The following NKAIN2 variants were observed in gnomAD, a reference collection of about 807,000 sequenced individuals.
NKAIN2 encodes sodium/potassium-transporting ATPase subunit beta-1-interacting protein 2.
A neutral mutation model predicts 32.6 loss-of-function variants in NKAIN2; 14 were observed. The ratio of observed to expected loss-of-function variants is 0.43; its 90% CI spans 0.28 to 0.67. NKAIN2 has a LOEUF of 0.67. Among genes scored for constraint, NKAIN2 ranks in the 30% least tolerant of loss-of-function variants. NKAIN2 has a pLI of 0.17. For synonymous variants in NKAIN2, 80 were observed against 87.2 expected, an observed-to-expected ratio of 0.92 and a Z score of 0.46; for missense variants, 198 against 258.3, an observed-to-expected ratio of 0.77 and a Z score of 1.60.
chr6:124,726,935 T>C (rs1776353453), intron 4 of NKAIN2, among the ~76,000 whole-genome samples: 1 of 131,268 alleles, frequency 7.6e-6, no homozygotes, highest in Non-Finnish European at 1.6e-5. Flanking sequence ...GCTGATGCAA[T>C]CAACTGGAAG....
intron 1 of NKAIN2, 71 bp downstream of exon 1, chr6:123,804,325 G>C (rs1773124385): frequency 7.8e-7 from 1 of 1,283,624 alleles, no homozygotes; most frequent in African/African-American, 1.5e-5. Context: ...TGCAGCAAAG[G>C]GTCTGCCATT....
intron 3 of NKAIN2, among the ~76,000 whole-genome samples, chr6:124,582,294 T>C (rs549550366): frequency 2.0e-5 from 3 of 152,290 alleles, no homozygotes; most frequent in African/African-American, 7.2e-5. Context: ...TGATATTAGT[T>C]GTAATGTGTC....
chr6:124,078,588 T>A (rs999236670), intron 1 of NKAIN2, among the ~76,000 whole-genome samples: 3 of 152,194 alleles, frequency 2.0e-5, no homozygotes, highest in African/African-American at 7.2e-5. Context: ...ATGAACTTAA[T>A]CAAACCTGAG....
intron 1 of NKAIN2, among the ~76,000 whole-genome samples, chr6:124,263,426 T>C (rs1206980389): frequency 6.6e-6 from 1 of 152,170 alleles, no homozygotes; most frequent in East Asian, 1.9e-4. Flanking sequence ...GTATAGACTA[T>C]AAATGATAAC....
intron 1 of NKAIN2, among the ~76,000 whole-genome samples, chr6:123,814,402 A>G (rs1346710323): frequency 1.3e-5 from 2 of 152,226 alleles, no homozygotes; most frequent in South Asian, 2.1e-4. Context: ...CCTGGAATAG[A>G]TTTATTTTTA....
rs1397530633 is a variant in NKAIN2 at position 124,797,678 on chromosome 6, C to A, written c.535+6279C>A. Among the ~76,000 whole-genome samples the A allele has an allele frequency of 2.6e-5, 4 of 152,078 alleles. No individual in the cohort carries two copies. In the East Asian group the frequency reaches 7.7e-4, roughly 29 times the overall value. On this transcript the variant is annotated intron_variant, in intron 5 of 6. Transcript: ENST00000368417. ...TTTTTGTTTGATTTTTCTTCTAAAG[C>A]CTGCTGGCCTACACTTCTGTGTATT...
intron 1 of NKAIN2, chr6:123,828,899 C>A: frequency 6.6e-6 from 1 of 152,136 alleles, no homozygotes; most frequent in Non-Finnish European, 1.5e-5. Context: ...GATCAGGTTC[C>A]CTGTTACAAG....
At chr6:124,013,605 G>T (rs1212348884) in intron 1 of NKAIN2, among the ~76,000 whole-genome samples, 1 of 152,126 alleles carries the variant, frequency 6.6e-6, no homozygotes, top group Non-Finnish European at 1.5e-5. Context: ...ATAGAATACT[G>T]GTCCGCAAAA....
At chr6:124,799,247 T>C (rs1780147657) in intron 5 of NKAIN2, among the ~76,000 whole-genome samples, 1 of 152,212 alleles carries the variant, frequency 6.6e-6, no homozygotes, top group African/African-American at 2.4e-5. Flanking sequence ...TGTAATAATT[T>C]TCACATAATC....
chr6:124,571,019 A>G (rs1364241519), intron 3 of NKAIN2, among the ~76,000 whole-genome samples: 1 of 152,180 alleles, frequency 6.6e-6, no homozygotes, highest in East Asian at 1.9e-4. Flanking sequence ...CCTGGGGTCA[A>G]AGGACATCAT....
rs1420674840 is a variant in NKAIN2 at position 124,711,309 on chromosome 6, T to C, written c.474+52923T>C. Reference sequence around the variant, plus strand: ...TTGATGAATCTGACAATTATGTGTCTTCTCGAGGAGTATCTTTGTGGCGTT... The same window carrying C: ...TTGATGAATCTGACAATTATGTGTCCTCTCGAGGAGTATCTTTGTGGCGTT... On this transcript the variant is annotated intron_variant, in intron 4 of 6. Coordinates refer to ENST00000368417, the MANE Select transcript of NKAIN2 (RefSeq NM_001040214.3). 7.4e-4 allele frequency among the ~76,000 whole-genome samples: 4 copies of C among 5,408 alleles called. 2 individuals carry two copies. The highest frequency in any genetic ancestry group is 8.4e-4 in the African/African-American group (4 of 4,768). The allele number at this position is 5,408 out of a possible 152,430, so 3.5% of individuals were successfully genotyped here.
chr6:124,533,187 A>T (rs1237255751), intron 3 of NKAIN2, among the ~76,000 whole-genome samples: 2 of 152,158 alleles, frequency 1.3e-5, no homozygotes, highest in Non-Finnish European at 2.9e-5. Flanking sequence ...TAAAAGGAAG[A>T]GGCAGGAGCC....
At chr6:124,196,643 A>G (rs1426179361) in intron 1 of NKAIN2, among the ~76,000 whole-genome samples, 12 of 152,058 alleles carry the variant, frequency 7.9e-5, no homozygotes, top group Non-Finnish European at 4.4e-5. Context: ...TCAATTTTTC[A>G]TAATTTTAAA....
chr6:124,132,509 A>T (rs1786529858), intron 1 of NKAIN2, among the ~76,000 whole-genome samples: 1 of 152,212 alleles, frequency 6.6e-6, no homozygotes, highest in Non-Finnish European at 1.5e-5. Context: ...AACTCAGGCC[A>T]TTACAGCAAC....
intron 1 of NKAIN2, among the ~76,000 whole-genome samples, chr6:124,153,207 T>C (rs1158858758): frequency 1.3e-5 from 2 of 151,878 alleles, no homozygotes; most frequent in Non-Finnish European, 3.0e-5. Flanking sequence ...CCGATTACCC[T>C]GATTTTATTA....
chr6:124,116,757 A>T (rs1785637235), intron 1 of NKAIN2, among the ~76,000 whole-genome samples: 1 of 152,124 alleles, frequency 6.6e-6, no homozygotes, highest in Non-Finnish European at 1.5e-5. Flanking sequence ...TTTTCTAATT[A>T]CTGAATGCCG....
At chr6:124,379,905 A>G (rs1772549748) in intron 3 of NKAIN2, among the ~76,000 whole-genome samples, 1 of 152,156 alleles carries the variant, frequency 6.6e-6, no homozygotes, top group Non-Finnish European at 1.5e-5. Context: ...AAAATTAACA[A>G]AAGTTCTGGA....
chr6:124,340,238 T>C (rs1382113016), intron 2 of NKAIN2, among the ~76,000 whole-genome samples: 1 of 152,226 alleles, frequency 6.6e-6, no homozygotes, highest in Non-Finnish European at 1.5e-5. Context: ...TTGCTGGAGA[T>C]TATTTTCTTA....
chr6:123,987,721 C>G (rs528957429), intron 1 of NKAIN2, among the ~76,000 whole-genome samples: 168 of 152,284 alleles, frequency 1.1e-3, no homozygotes, highest in African/African-American at 2.4e-3. Flanking sequence ...TGTGGCTCCT[C>G]CATCTTCACA....
Sources: allele counts gnomAD v4.1 joint callset (sites outside exome capture counted in the v4.1 genomes callset), GRCh38; gene constraint gnomAD v4.1.1; transcripts MANE v1.5; gene names NCBI Gene and HGNC (gene_info 2026-07-23, HGNC 2026-07-21).